ERCC6L: variants seen among roughly 807,000 people sequenced by gnomAD.
ERCC6L encodes the protein DNA excision repair protein ERCC-6-like.
In ERCC6L, 7 loss-of-function variants were observed where a neutral mutation model predicts 20.1. The observed-to-expected ratio is 0.35, with a 90% CI of 0.20 to 0.65. The LOEUF is 0.65. Among genes scored for constraint, ERCC6L ranks in the 30% least tolerant of loss-of-function variants. The pLI is 0.69. For missense variants in ERCC6L, 592 were observed against 892.4 expected, an observed-to-expected ratio of 0.66 and a Z score of 4.29; for synonymous variants, 278 against 331.3, an observed-to-expected ratio of 0.84 and a Z score of 1.75.
intron 1 of ERCC6L, among the ~76,000 whole-genome samples, chrX:72,229,221 C>T (rs1031500546): frequency 8.1e-5 from 9 of 111,302 alleles, no homozygotes; most frequent in Non-Finnish European, 1.5e-4. Flanking sequence ...ACCTAACCAA[C>T]GCAACCGTAC....
At chrX:72,211,155 A>T (rs1198963897) in intron 1 of ERCC6L, among the ~76,000 whole-genome samples, 4 of 111,585 alleles carry the variant, frequency 3.6e-5, no homozygotes, top group African/African-American at 1.3e-4. Flanking sequence ...GTAATGATTT[A>T]TCCATCTATA....
rs1455177182 is a variant in ERCC6L, at chrX:72,204,959, C to T, written c.*55G>A. 1 of 1,030,521 alleles carries T rather than the reference C, an allele frequency of 9.7e-7. No individual in the cohort carries two copies. Among genetic ancestry groups the T allele is most frequent in the African/African-American group, 1.9e-5 (1 of 52,868 alleles). The allele number at this position is 1,030,521 out of a possible 1,213,427, so 84.9% of individuals were successfully genotyped here. On this transcript the variant is annotated 3_prime_UTR_variant, in exon 2 of 2. Coordinates refer to ENST00000334463, the MANE Select transcript of ERCC6L (RefSeq NM_017669.4). ...TTCCCAAAGAATCCAATTATGGGAA[C>T]AAAAATTCCCTCATATTCAGTTTCA...
At chrX:72,216,026 C>T (rs1041156775) in intron 1 of ERCC6L, among the ~76,000 whole-genome samples, 6 of 110,514 alleles carry the variant, frequency 5.4e-5, no homozygotes, top group Admixed American at 1.9e-4. Context: ...ATTTTATCCA[C>T]GGGAGTGCCC....
intron 1 of ERCC6L, among the ~76,000 whole-genome samples, chrX:72,228,603 A>C (rs1372553918): frequency 9.0e-6 from 1 of 111,660 alleles, no homozygotes; most frequent in Non-Finnish European, 1.9e-5. Flanking sequence ...CTTCCTAATC[A>C]ACCTTGTTAC....
At chrX:72,213,700 G>A (rs983149307) in intron 1 of ERCC6L, among the ~76,000 whole-genome samples, 2 of 112,147 alleles carry the variant, frequency 1.8e-5, no homozygotes, top group African/African-American at 3.2e-5. Context: ...AAGTGCCCGG[G>A]TTCGTCCTAA....
In ERCC6L at chrX:72,222,862, C is replaced by G. The variant is rs778098591; in HGVS notation, c.69-14164G>C. Among the ~76,000 whole-genome samples, 215 of 106,726 alleles carry G rather than the reference C, an allele frequency of 2.0e-3. 1 individual carries two copies. The highest frequency in any genetic ancestry group is 6.8e-3 in the African/African-American group (202 of 29,534). 92.7% of individuals were successfully genotyped at this position (106,726 alleles called of 115,157 possible). A position where few individuals can be genotyped will look rare whatever the true frequency, so the allele number is the denominator to read the frequency against. On this transcript the variant is annotated intron_variant, in intron 1 of 1. Transcript: ENST00000334463. ...CCACCCGCCTCGGCCTCCCAAAGTG[C>G]TGGGATTACAGGCATGAGCCACTGC...
chrX:72,238,279 C>T (rs752660552), intron 1 of ERCC6L, among the ~76,000 whole-genome samples: 1 of 111,767 alleles, frequency 8.9e-6, no homozygotes, highest in East Asian at 2.8e-4. Context: ...CGCCCCCCAC[C>T]CTTAGCCAAC....
intron 1 of ERCC6L, among the ~76,000 whole-genome samples, chrX:72,236,243 T>TAGG (rs926104607): frequency 8.9e-6 from 1 of 111,942 alleles, no homozygotes; most frequent in African/African-American, 3.2e-5. Flanking sequence ...CACTTGAGTC[T>TAGG]AGGAGTTCAA....
chrX:72,209,355 C>A (rs1986026488), intron 1 of ERCC6L, among the ~76,000 whole-genome samples: 1 of 112,106 alleles, frequency 8.9e-6, no homozygotes, highest in Non-Finnish European at 1.9e-5. Flanking sequence ...CAGCTGCCTT[C>A]TGGACATCTC....
chrX:72,206,962 T>C lies in ERCC6L; in HGVS notation c.1805A>G (p.Asp602Gly). 8.3e-7 allele frequency: 1 copy of C among 1,210,562 alleles called. No individual in the cohort carries two copies. Among genetic ancestry groups the C allele is most frequent in the Non-Finnish European group, 1.1e-6 (1 of 895,040 alleles). The change falls in exon 2 of 2, where the codon GAC (aspartate) becomes GGC (glycine). Residue 602 changes from aspartate to glycine, a missense_variant. Asp to Gly is a moderately conservative substitution (Grantham distance 94). This residue lies in a region of ERCC6L where 196 missense variants were observed against 440.1 expected (regional missense o/e 0.45). Coordinates refer to ENST00000334463, the MANE Select transcript of ERCC6L (RefSeq NM_017669.4). ...EKIYRRQVFK[D>G]SLIRQTTGEK... is the part of the protein sequence containing the mutation. Reference sequence around the variant, plus strand: ...ACCAGTAGTTTGTCTTATTAATGAGTCCTTGAAAACCTGTCTTCTGTATAT... The same window carrying C: ...ACCAGTAGTTTGTCTTATTAATGAGCCCTTGAAAACCTGTCTTCTGTATAT...
In ERCC6L at chrX:72,205,743, A is replaced by G. The variant is rs778513523; in HGVS notation, c.3024T>C (p.Asp1008=). 6.6e-6 allele frequency: 8 copies of G among 1,211,506 alleles called. No individual in the cohort carries two copies. Among genetic ancestry groups the G allele is most frequent in the Non-Finnish European group, 7.8e-6 (7 of 895,242 alleles). Residue 1008 remains aspartate, a synonymous_variant, in exon 2 of 2, where the codon GAT becomes GAC. Coordinates refer to ENST00000334463, the MANE Select transcript of ERCC6L (RefSeq NM_017669.4). Reference sequence around the variant, plus strand: ...CTTTAACTACTACTTCTTCTGGTTCATCGTCTTTCTCAGAAAACTCCCAAC... The same window carrying G: ...CTTTAACTACTACTTCTTCTGGTTCGTCGTCTTTCTCAGAAAACTCCCAAC... ...CLSWEFSEKD[D]EPEEVVVKAK...
rs758022575 is a variant in ERCC6L, at chrX:72,215,858, A to T, written c.69-7160T>A. On this transcript the variant is annotated intron_variant, in intron 1 of 1. Coordinates refer to ENST00000334463, the MANE Select transcript of ERCC6L (RefSeq NM_017669.4). ...TCCCGCTTGGGTTCAGTGGCATACA[A>T]CCCTTCTCCTAGATTTCTTCTACCT... Among the ~76,000 whole-genome samples, 8 of 109,967 alleles carry T rather than the reference A, an allele frequency of 7.3e-5. No individual in the cohort carries two copies. In the South Asian group the frequency reaches 3.2e-3, roughly 43 times the overall value.
In ERCC6L at chrX:72,205,668, T is replaced by C. The variant is rs201951072; in HGVS notation, c.3099A>G (p.Glu1033=). 2 of 1,210,667 alleles carry C rather than the reference T, an allele frequency of 1.7e-6. No individual in the cohort carries two copies. Among genetic ancestry groups the C allele is most frequent in the East Asian group, 5.9e-5 (2 of 33,787 alleles). Residue 1033 remains glutamate (E), a synonymous_variant, in exon 2 of 2, where the codon GAA becomes GAG. Coordinates refer to ENST00000334463, the MANE Select transcript of ERCC6L (RefSeq NM_017669.4). Reference sequence around the variant, plus strand: ...TTGAGGTATCTTTAAAAGAATCATCTTCATCTTCGCCATCTGAAACAATCC... The same window carrying C: ...TTGAGGTATCTTTAAAAGAATCATCCTCATCTTCGCCATCTGAAACAATCC... ...ARRIVSDGED[E]DDSFKDTSSI... is the part of the protein sequence containing the mutation.
rs1358731502 is a variant in ERCC6L, at chrX:72,231,700, C to T, written c.68+7144G>A. Among the ~76,000 whole-genome samples, 13 of 110,650 alleles carry T rather than the reference C, an allele frequency of 1.2e-4. No individual in the cohort carries two copies. The East Asian group carries it at 1.4e-3, about 12-fold the overall frequency. On this transcript the variant is annotated intron_variant, in intron 1 of 1. Coordinates refer to ENST00000334463, the MANE Select transcript of ERCC6L (RefSeq NM_017669.4). ...TCCCGAGTAGCTGGGACTACAGATG[C>T]GTACCACCACACACAACTAATTTTT...
chrX:72,216,638 T>G (rs1472836724), intron 1 of ERCC6L, among the ~76,000 whole-genome samples: 2 of 111,897 alleles, frequency 1.8e-5, no homozygotes, highest in Admixed American at 1.9e-4. Context: ...CTATTCTAGA[T>G]ATTTCATATA....
chrX:72,218,492 T>C (rs2042899980), intron 1 of ERCC6L, among the ~76,000 whole-genome samples: 1 of 101,797 alleles, frequency 9.8e-6, no homozygotes, highest in Non-Finnish European at 1.9e-5. Flanking sequence ...TCAATTTCTT[T>C]CTCTTTTTTT....
intron 1 of ERCC6L, among the ~76,000 whole-genome samples, chrX:72,210,700 C>G (rs1183900710): frequency 9.0e-6 from 1 of 111,512 alleles, no homozygotes; most frequent in Non-Finnish European, 1.9e-5. Context: ...GCCTAGACTT[C>G]TTAGCACCAG....
At chrX:72,220,575 A>AC (rs892813966) in intron 1 of ERCC6L, among the ~76,000 whole-genome samples, 1 of 108,581 alleles carries the variant, frequency 9.2e-6, no homozygotes, top group Non-Finnish European at 1.9e-5. Flanking sequence ...CCCCAAGATA[A>AC]CCCCCCTCTG....
chrX:72,231,598 C>T (rs993755924), intron 1 of ERCC6L, among the ~76,000 whole-genome samples: 1 of 110,210 alleles, frequency 9.1e-6, no homozygotes, highest in Non-Finnish European at 1.9e-5. Flanking sequence ...GTCACCCAGC[C>T]TGGAGTGCAG....
Sources: allele counts gnomAD v4.1 joint callset (sites outside exome capture counted in the v4.1 genomes callset), GRCh38; gene constraint gnomAD v4.1.1; regional missense constraint gnomAD v4.1.1; transcripts MANE v1.5; gene names NCBI Gene and HGNC (gene_info 2026-07-23, HGNC 2026-07-21).